The following ADAM17 variants were observed in gnomAD, a reference collection of about 807,000 sequenced individuals.
ADAM17 encodes the protein ADAM metallopeptidase domain 17.
ADAM17 carries 39 observed loss-of-function variants against 96.7 expected under a neutral mutation model. The observed-to-expected ratio is 0.40, with a 90% CI of 0.31 to 0.53. ADAM17 has a LOEUF of 0.53. ADAM17 is among the 20% of genes least tolerant of loss of function. ADAM17 has a pLI of 0.44. For synonymous variants in ADAM17, 344 were observed against 359.2 expected, an observed-to-expected ratio of 0.96 and a Z score of 0.48; for missense variants, 777 against 1,013.2, an observed-to-expected ratio of 0.77 and a Z score of 3.17.
chr2:9,518,054 A>G (rs745336246), intron 9 of ADAM17, 49 bp downstream of exon 9: 2 of 1,572,792 alleles, frequency 1.3e-6, no homozygotes, highest in Admixed American at 4.0e-5. Context: ...TAATCCAATC[A>G]TCTTAATAAT....
chr2:9,512,658 G>A (rs1000874276), intron 10 of ADAM17, among the ~76,000 whole-genome samples: 2 of 152,164 alleles, frequency 1.3e-5, no homozygotes, highest in South Asian at 2.1e-4. Context: ...TGTGGAGGGA[G>A]GAATGCTGCA....
rs1490396262 is a variant in ADAM17 at position 9,502,188 on chromosome 2, C to A, written c.1633G>T (p.Val545Leu). ...QEAINATCKGVSYCTGNSSEC... is the reference protein window; with the variant it reads ...QEAINATCKGLSYCTGNSSEC... ...GAACACGAACCTGTGCAGTAGGACA[C>A]GCCTTTGCAAGTAGCATTAATCGCC... is the stretch of plus-strand genomic sequence containing the variant. The change falls in exon 13 of 19, where the codon GTG becomes TTG. Residue 545 changes from valine (V) to leucine (L), a missense_variant. Around this residue, in one of 3 missense-constraint regions of ADAM17, gnomAD observed 446 missense variants for 664.7 expected, o/e 0.67. Transcript: ENST00000310823. The A allele has an allele frequency of 6.2e-7, 1 of 1,613,998 alleles. No homozygotes were observed. Among genetic ancestry groups the A allele is most frequent in the Non-Finnish European group, 8.5e-7 (1 of 1,179,940 alleles).
chr2:9,500,003 T>G (rs1162247079), intron 13 of ADAM17, among the ~76,000 whole-genome samples: 1 of 152,214 alleles, frequency 6.6e-6, no homozygotes, highest in Non-Finnish European at 1.5e-5. Flanking sequence ...GTCTGACAGC[T>G]CCTCAAAAGA....
At chr2:9,508,870 T>C (rs1455035236) in intron 11 of ADAM17, among the ~76,000 whole-genome samples, 2 of 151,938 alleles carry the variant, frequency 1.3e-5, no homozygotes, top group Non-Finnish European at 2.9e-5. Context: ...GGTAGAAAAA[T>C]GTTTCTCTGG....
chr2:9,546,803 G>A (rs1294625053), intron 1 of ADAM17, among the ~76,000 whole-genome samples: 1 of 147,806 alleles, frequency 6.8e-6, no homozygotes, highest in South Asian at 2.1e-4. Flanking sequence ...TCCGCCTCCT[G>A]GGTTCAAGCG....
intron 10 of ADAM17, among the ~76,000 whole-genome samples, chr2:9,515,614 G>C (rs371164271): frequency 2.6e-4 from 40 of 151,780 alleles, no homozygotes; most frequent in African/African-American, 8.9e-4. Flanking sequence ...GCGGGCACCT[G>C]TAATCCCAGC....
intron 10 of ADAM17, among the ~76,000 whole-genome samples, chr2:9,512,647 C>T (rs1482797703): frequency 1.3e-5 from 2 of 152,284 alleles, no homozygotes; most frequent in Non-Finnish European, 2.9e-5. Context: ...CTGCCCTTTA[C>T]TGTGGAGGGA....
At position 9,523,242 on chromosome 2, in the gene ADAM17, T is replaced by C; in HGVS notation, c.843+7A>G. 2 of 1,592,178 alleles carry C rather than the reference T, an allele frequency of 1.3e-6. No homozygotes were observed. The highest frequency in any genetic ancestry group is 1.7e-6 in the Non-Finnish European group (2 of 1,164,852). ...AAGTAATATAAGCCATATCTATTGA[T>C]AAATACCTGCTCTATCTGTATTCCA... is the stretch of plus-strand genomic sequence containing the variant. On this transcript the variant is annotated splice_region_variant and intron_variant, in intron 7 of 18. Transcript: ENST00000310823.
At chr2:9,491,261 T>C (rs1662119453) in intron 17 of ADAM17, 110 bp from the exon 18 acceptor site, 1 of 963,874 alleles carries the variant, frequency 1.0e-6, no homozygotes, top group Admixed American at 2.3e-5. Flanking sequence ...GAACCTGAGT[T>C]GTAGAAAGTG....
chr2:9,550,439 C>CTTT (rs35602755), intron 1 of ADAM17, among the ~76,000 whole-genome samples: 117 of 74,142 alleles, frequency 1.6e-3, no homozygotes, highest in East Asian at 2.5e-3. Context: ...GATACTCATT[C>CTTT]TTTTTTTTTT....
At chr2:9,548,814 C>T (rs551791977) in intron 1 of ADAM17, among the ~76,000 whole-genome samples, 4 of 152,242 alleles carry the variant, frequency 2.6e-5, no homozygotes, top group Non-Finnish European at 4.4e-5. Flanking sequence ...TTTGTTCCTT[C>T]TAAAGGTTTC....
At chr2:9,530,296 A>G (rs1664686854) in intron 4 of ADAM17, among the ~76,000 whole-genome samples, 1 of 152,210 alleles carries the variant, frequency 6.6e-6, no homozygotes, top group Admixed American at 6.5e-5. Flanking sequence ...TAGTATAGTC[A>G]GTCCAGCACA....
chr2:9,542,358 G>A (rs1403670430), intron 2 of ADAM17, among the ~76,000 whole-genome samples: 2 of 152,100 alleles, frequency 1.3e-5, no homozygotes, highest in Admixed American at 6.6e-5. Flanking sequence ...TTGGCAACAT[G>A]GCAAGACCCT....
intron 12 of ADAM17, among the ~76,000 whole-genome samples, chr2:9,504,336 T>C (rs1027882294): frequency 1.3e-5 from 2 of 151,302 alleles, no homozygotes; most frequent in African/African-American, 4.9e-5. Flanking sequence ...TCCCAGTTAT[T>C]GGGGAGGCTG....
chr2:9,537,005 C>T (rs563821094), intron 2 of ADAM17, among the ~76,000 whole-genome samples, 177 bp from the exon 3 acceptor site: 1 of 152,088 alleles, frequency 6.6e-6, no homozygotes, highest in Non-Finnish European at 1.5e-5. Context: ...GACAAATGAA[C>T]TAATTTATTT....
At position 9,523,299 on chromosome 2, in the gene ADAM17, T is replaced by C; in HGVS notation, c.793A>G (p.Thr265Ala). 6.2e-7 allele frequency: 1 copy of C among 1,613,192 alleles called. No individual in the cohort carries two copies. Among genetic ancestry groups the C allele is most frequent in the Non-Finnish European group, 8.5e-7 (1 of 1,179,584 alleles). ...TTAAAACCTGCATTATCCCATGAAG[T>C]GTTCCGATAGATGTCATCAACTCTG... is the stretch of plus-strand genomic sequence containing the variant. ...IDRVDDIYRNTSWDNAGFKGY... is the reference protein window; with the variant it reads ...IDRVDDIYRNASWDNAGFKGY... The change falls in exon 7 of 19, where the codon ACT becomes GCT. Residue 265 changes from threonine (T) to alanine (A), a missense_variant. Thr to Ala is a moderately conservative substitution (Grantham distance 58, BLOSUM62 0). Coordinates refer to ENST00000310823, the MANE Select transcript of ADAM17 (RefSeq NM_003183.6).
intron 14 of ADAM17, among the ~76,000 whole-genome samples, chr2:9,495,421 T>C (rs1189544060): frequency 6.6e-6 from 1 of 152,172 alleles, no homozygotes; most frequent in Non-Finnish European, 1.5e-5. Context: ...AAGAAAACCT[T>C]TTCAGAAAAG....
chr2:9,532,024 T>C (rs1051829852), intron 4 of ADAM17, among the ~76,000 whole-genome samples: 9 of 152,122 alleles, frequency 5.9e-5, no homozygotes, highest in South Asian at 2.1e-4. Flanking sequence ...AAAAGAGGGA[T>C]TGTTTGAGCC....
intron 1 of ADAM17, among the ~76,000 whole-genome samples, chr2:9,544,934 A>G (rs1432659191): frequency 6.6e-6 from 1 of 152,238 alleles, no homozygotes; most frequent in Non-Finnish European, 1.5e-5. Context: ...ATGTTCACAA[A>G]CTGCACGAAT....
Sources: gnomAD v4.1 joint callset for allele counts (sites outside exome capture counted in the v4.1 genomes callset) on GRCh38, gnomAD v4.1.1 for gene constraint, gnomAD v4.1.1 regional missense constraint, MANE v1.5 for transcripts, NCBI Gene and HGNC (gene_info 2026-07-23, HGNC 2026-07-21) for gene names.